Variants in DDX10 observed in about 807,000 individuals in gnomAD.
DDX10 encodes DEAD-box helicase 10.
DDX10 carries 74 observed loss-of-function variants against 104.3 expected under a neutral mutation model. The ratio of observed to expected loss-of-function variants is 0.71; its 90% CI spans 0.59 to 0.86. DDX10 has a LOEUF of 0.86. Among genes scored for constraint, DDX10 ranks in the 40% least tolerant of loss-of-function variants. The pLI is 0.00. For missense variants in DDX10, 952 were observed against 1,040.0 expected, an observed-to-expected ratio of 0.92 and a Z score of 1.16; for synonymous variants, 351 against 353.4, an observed-to-expected ratio of 0.99 and a Z score of 0.08.
chr11:108,911,571 T>C, intron 16 of DDX10, among the ~76,000 whole-genome samples: 1 of 135,218 alleles, frequency 7.4e-6, no homozygotes, highest in Admixed American at 7.5e-5. Context: ...TTTTTTTTTT[T>C]TTTTTTTTTT....
At chr11:108,696,448 A>G (rs2094260043) in intron 9 of DDX10, among the ~76,000 whole-genome samples, 1 of 152,164 alleles carries the variant, frequency 6.6e-6, no homozygotes, top group Admixed American at 6.5e-5. Flanking sequence ...AAGTGTTGGG[A>G]TTACAGGTGT....
intron 13 of DDX10, among the ~76,000 whole-genome samples, chr11:108,754,658 T>C (rs748431277): frequency 6.6e-6 from 1 of 151,952 alleles, no homozygotes; most frequent in Non-Finnish European, 1.5e-5. Flanking sequence ...CTTAGGTATA[T>C]GAGAGGAAGA....
In DDX10 at chr11:108,917,883, A is replaced by T. The variant is rs1269097964; in HGVS notation, c.2315A>T (p.Glu772Val). Residue 772 changes from glutamate to valine, a missense_variant, in exon 17 of 18, where the codon GAA becomes GTA. Transcript: ENST00000322536. The part of the protein sequence containing the change: ...ANKRQAKAKD[E>V]EEAFLDWSDD... ...ATTATTATTTTTTAGGCCAAAGATGAAGAGGAAGCCTTTCTGGATTGGAGT... is the reference window on the plus strand; with the variant it reads ...ATTATTATTTTTTAGGCCAAAGATGTAGAGGAAGCCTTTCTGGATTGGAGT... 1 of 1,610,748 alleles carries T rather than the reference A, an allele frequency of 6.2e-7. No homozygotes were observed. The highest frequency in any genetic ancestry group is 2.2e-5 in the East Asian group (1 of 44,856).
chr11:108,729,010 C>G (rs945030828), intron 13 of DDX10, among the ~76,000 whole-genome samples: 3 of 152,068 alleles, frequency 2.0e-5, no homozygotes, highest in African/African-American at 7.2e-5. Flanking sequence ...TACTAATTGG[C>G]AGGTTTCTTC....
intron 16 of DDX10, among the ~76,000 whole-genome samples, chr11:108,880,079 T>C (rs1863207298): frequency 6.6e-6 from 1 of 152,244 alleles, no homozygotes; most frequent in Non-Finnish European, 1.5e-5. Flanking sequence ...AAAAATATAC[T>C]TCAGACTGGA....
At chr11:108,868,031 T>A (rs1863029750) in intron 16 of DDX10, among the ~76,000 whole-genome samples, 1 of 152,152 alleles carries the variant, frequency 6.6e-6, no homozygotes, top group Admixed American at 6.5e-5. Flanking sequence ...CTAGATATTG[T>A]AGCTTTGCAT....
intron 13 of DDX10, among the ~76,000 whole-genome samples, chr11:108,787,793 G>T (rs1365868990): frequency 1.3e-5 from 2 of 152,118 alleles, no homozygotes; most frequent in Non-Finnish European, 2.9e-5. Flanking sequence ...AGCTGGGCGT[G>T]GTGGTGCATG....
intron 13 of DDX10, among the ~76,000 whole-genome samples, chr11:108,799,902 T>A (rs1403684164): frequency 6.6e-6 from 1 of 152,066 alleles, no homozygotes; most frequent in African/African-American, 2.4e-5. Flanking sequence ...ATAGTTCTAG[T>A]TGTTCATTTC....
intron 13 of DDX10, among the ~76,000 whole-genome samples, chr11:108,749,624 AAGAC>A (rs1168644174): frequency 6.6e-6 from 1 of 152,188 alleles, no homozygotes; most frequent in African/African-American, 2.4e-5. Context: ...TAGCATCTGT[AAGAC>A]AGAAGTTGGA....
intron 16 of DDX10, among the ~76,000 whole-genome samples, chr11:108,913,217 G>A (rs574630270): frequency 4.9e-4 from 74 of 152,160 alleles, no homozygotes; most frequent in African/African-American, 1.5e-3. Flanking sequence ...TTAGGGGGAC[G>A]TGAGACATCA....
intron 10 of DDX10, among the ~76,000 whole-genome samples, chr11:108,713,169 TCG>T (rs2094286789): frequency 6.6e-6 from 1 of 152,188 alleles, no homozygotes; most frequent in South Asian, 2.1e-4. Context: ...TCTCTCCCTC[TCG>T]CTTGGGCATT....
At chr11:108,687,405 C>T (rs2094245888) in intron 6 of DDX10, among the ~76,000 whole-genome samples, 1 of 152,004 alleles carries the variant, frequency 6.6e-6, no homozygotes, top group African/African-American at 2.4e-5. Flanking sequence ...AACTCCCTAG[C>T]CTGAATTGAT....
At chr11:108,798,780 GCTT>G (rs1861980362) in intron 13 of DDX10, among the ~76,000 whole-genome samples, 2 of 151,960 alleles carry the variant, frequency 1.3e-5, no homozygotes, top group South Asian at 2.1e-4. Context: ...AGATTTTGGG[GCTT>G]CTTAAGTTTT....
intron 16 of DDX10, among the ~76,000 whole-genome samples, chr11:108,894,875 A>G (rs1456729318): frequency 3.3e-5 from 5 of 151,968 alleles, no homozygotes; most frequent in Admixed American, 2.6e-4. Flanking sequence ...TACTACTGGA[A>G]AGAGTATTAT....
chr11:108,817,225 G>A (rs189805475), intron 13 of DDX10, among the ~76,000 whole-genome samples: 3 of 152,146 alleles, frequency 2.0e-5, no homozygotes, highest in Admixed American at 2.0e-4. Context: ...TCTACCTCCT[G>A]ACTCTGTCCT....
intron 14 of DDX10, among the ~76,000 whole-genome samples, chr11:108,841,025 CT>C (rs1381687927): frequency 1.3e-5 from 2 of 152,248 alleles, no homozygotes; most frequent in South Asian, 4.1e-4. Flanking sequence ...ACTAAGAATG[CT>C]GTTTGGAAAG....
At chr11:108,872,825 C>A (rs556060152) in intron 16 of DDX10, among the ~76,000 whole-genome samples, 4 of 148,800 alleles carry the variant, frequency 2.7e-5, no homozygotes, top group Non-Finnish European at 6.0e-5. Context: ...TCCGTTCCCC[C>A]CCCCTCCCAT....
intron 15 of DDX10, among the ~76,000 whole-genome samples, chr11:108,843,754 C>T (rs1161503806): frequency 3.9e-5 from 5 of 127,290 alleles, no homozygotes; most frequent in African/African-American, 1.1e-4. Context: ...GAGACTCCAT[C>T]GAAAAAAAAA....
chr11:108,804,720 T>C (rs2134561839), intron 13 of DDX10, among the ~76,000 whole-genome samples: 1 of 152,226 alleles, frequency 6.6e-6, no homozygotes, highest in South Asian at 2.1e-4. Flanking sequence ...CTCATTCATA[T>C]TATTGGCAGA....
Sources: allele counts gnomAD v4.1 joint callset (sites outside exome capture counted in the v4.1 genomes callset), GRCh38; gene constraint gnomAD v4.1.1; transcripts MANE v1.5; gene names NCBI Gene and HGNC (gene_info 2026-07-23, HGNC 2026-07-21).